LCOR: variants seen among roughly 807,000 people sequenced by gnomAD.
LCOR encodes the protein ligand-dependent corepressor.
In LCOR, 14 loss-of-function variants were observed where a neutral mutation model predicts 64.4. That is an observed-to-expected ratio of 0.22 (90% confidence interval 0.14 to 0.34). The LOEUF is 0.34. Ranked by LOEUF, LCOR falls within the 10% of genes least tolerant of loss-of-function variation. The pLI is 1.00. For missense variants in LCOR, 1,686 were observed against 1,765.3 expected, an observed-to-expected ratio of 0.96 and a Z score of 0.80; for synonymous variants, 643 against 642.5, an observed-to-expected ratio of 1.00 and a Z score of -0.01.
chr10:96,841,898 C>A lies in LCOR; in HGVS notation c.-330+8419C>A, dbSNP rs115552508. Among the ~76,000 whole-genome samples the A allele has an allele frequency of 3.3e-3, 498 of 151,892 alleles. 3 individuals are homozygous for A. Among genetic ancestry groups the A allele is most frequent in the African/African-American group, 0.012 (480 of 41,444 alleles). ...TACAGGCATGAGCCACTCCACCCGG[C>A]CAGAGCATTATTATTTTTACTCATA... On this transcript the variant is annotated intron_variant, in intron 2 of 7. Transcript: ENST00000421806.
intron 7 of LCOR, among the ~76,000 whole-genome samples, chr10:96,977,197 A>G (rs1848046617): frequency 6.6e-6 from 1 of 152,234 alleles, no homozygotes; most frequent in Admixed American, 6.5e-5. Flanking sequence ...GCTTTCATTC[A>G]GAGCCTATTT....
chr10:96,941,378 C>T (rs1020313161), intron 4 of LCOR, among the ~76,000 whole-genome samples: 3 of 144,698 alleles, frequency 2.1e-5, no homozygotes, highest in African/African-American at 5.2e-5. Context: ...AGGCGCCCCT[C>T]ACCTCCCGGA....
intron 7 of LCOR, chr10:96,955,567 C>T: frequency 6.2e-7 from 1 of 1,614,146 alleles, no homozygotes; most frequent in Non-Finnish European, 8.5e-7. Context: ...GGCTCAGATG[C>T]TGAGCAGTCT....
chr10:96,891,301 A>T (rs761121081), intron 2 of LCOR, among the ~76,000 whole-genome samples: 5 of 151,824 alleles, frequency 3.3e-5, no homozygotes, highest in African/African-American at 1.2e-4. Context: ...ACAATAGTTC[A>T]TGGTATTCTC....
chr10:96,905,042 CTT>C (rs776130503), intron 2 of LCOR, among the ~76,000 whole-genome samples: 1 of 152,034 alleles, frequency 6.6e-6, no homozygotes, highest in African/African-American at 2.4e-5. Flanking sequence ...GTGATTAAAT[CTT>C]TGTGTTTATA....
chr10:96,900,110 C>CTA, intron 2 of LCOR, among the ~76,000 whole-genome samples: 1 of 152,242 alleles, frequency 6.6e-6, no homozygotes, highest in South Asian at 2.1e-4. Context: ...TAGGAAACCA[C>CTA]TAATGTACTT....
intron 7 of LCOR, among the ~76,000 whole-genome samples, chr10:96,967,241 C>T (rs1050417790): frequency 1.3e-5 from 2 of 152,160 alleles, no homozygotes; most frequent in Admixed American, 1.3e-4. Context: ...AAGTGATTCT[C>T]GTGCCTCAGC....
intron 4 of LCOR, among the ~76,000 whole-genome samples, chr10:96,935,995 C>T (rs565265527): frequency 1.3e-5 from 2 of 152,206 alleles, no homozygotes; most frequent in Non-Finnish European, 2.9e-5. Flanking sequence ...AATGACAGAC[C>T]TATTAAATGT....
chr10:96,922,571 A>T (rs1847098836), intron 4 of LCOR, among the ~76,000 whole-genome samples: 1 of 152,202 alleles, frequency 6.6e-6, no homozygotes, highest in Non-Finnish European at 1.5e-5. Context: ...AAATTCAGGG[A>T]ACCTTCTGAT....
intron 2 of LCOR, among the ~76,000 whole-genome samples, chr10:96,872,433 C>T (rs1168482818): frequency 6.6e-6 from 1 of 152,180 alleles, no homozygotes; most frequent in African/African-American, 2.4e-5. Flanking sequence ...TGGCTCACAC[C>T]TGTAGTCCTG....
intron 4 of LCOR, among the ~76,000 whole-genome samples, chr10:96,913,402 T>C (rs1169977483): frequency 6.6e-6 from 1 of 152,160 alleles, no homozygotes; most frequent in Non-Finnish European, 1.5e-5. Flanking sequence ...GAAATTACTT[T>C]TAGTAGTTAA....
Position 96,955,583 on chromosome 10 carries a change from T to C in LCOR, c.332+3387T>C, listed in dbSNP as rs765551049. The C allele has an allele frequency of 3.7e-6, 6 of 1,614,046 alleles. 1 individual carries two copies. In the East Asian group the frequency reaches 6.7e-5, roughly 18 times the overall value. On this transcript the variant is annotated intron_variant, in intron 7 of 7. Coordinates refer to ENST00000421806, the MANE Select transcript of LCOR (RefSeq NM_001346516.2). ...GCTCAGATGCTGAGCAGTCTACCTC[T>C]GGACAGCCATATCCCACATCGGATC...
chr10:96,910,003 A>G (rs867777394), intron 4 of LCOR, among the ~76,000 whole-genome samples: 4 of 152,176 alleles, frequency 2.6e-5, no homozygotes, highest in African/African-American at 7.2e-5. Flanking sequence ...GAGCCATTCT[A>G]TGCTTGGTAG....
At chr10:96,832,984 G>C (rs139888395) in intron 1 of LCOR, 12,898 of 984,824 alleles carry the variant, frequency 0.013, 93 homozygotes, top group Non-Finnish European at 0.015. Flanking sequence ...GATGGGGGCG[G>C]AGGGAGCTGG....
At chr10:96,951,359 T>G (rs1589678296) in intron 6 of LCOR, among the ~76,000 whole-genome samples, 1 of 152,292 alleles carries the variant, frequency 6.6e-6, no homozygotes, top group East Asian at 1.9e-4. Flanking sequence ...AGTTTCATTC[T>G]TCTTTCTTTA....
chr10:96,844,395 T>A (rs1845592948), intron 2 of LCOR, among the ~76,000 whole-genome samples: 1 of 152,070 alleles, frequency 6.6e-6, no homozygotes, highest in Non-Finnish European at 1.5e-5. Context: ...GCATATGCCC[T>A]TCTTTTAGAA....
intron 2 of LCOR, among the ~76,000 whole-genome samples, chr10:96,850,972 C>G (rs866322871): frequency 6.6e-6 from 1 of 152,232 alleles, no homozygotes; most frequent in Non-Finnish European, 1.5e-5. Flanking sequence ...GACAGAATAA[C>G]TGTTCTGGAA....
chr10:96,918,943 AAAG>A lies in LCOR; in HGVS notation c.-184+11197_-184+11199del, dbSNP rs140534240. On this transcript the variant is annotated intron_variant, in intron 4 of 7. Coordinates refer to ENST00000421806, the MANE Select transcript of LCOR (RefSeq NM_001346516.2). ...GTTTTCTAGTTACATCAGCAACAAA[AAAG>A]GTAAAGTTTCAAGAAAAGTAATAAG... Among the ~76,000 whole-genome samples the A allele has an allele frequency of 6.8e-3, 1,039 of 152,334 alleles. 11 individuals carry two copies. The highest frequency in any genetic ancestry group is 0.023 in the African/African-American group (972 of 41,572).
intron 2 of LCOR, among the ~76,000 whole-genome samples, chr10:96,879,483 G>A (rs1231317279): frequency 3.3e-5 from 5 of 152,156 alleles, no homozygotes; most frequent in African/African-American, 1.2e-4. Flanking sequence ...TACTTCCGTA[G>A]CTTTAAAAAT....
Sources: gnomAD v4.1 joint callset for allele counts (sites outside exome capture counted in the v4.1 genomes callset) on GRCh38, gnomAD v4.1.1 for gene constraint, MANE v1.5 for transcripts, NCBI Gene and HGNC (gene_info 2026-07-23, HGNC 2026-07-21) for gene names.